The following SORCS3 variants were observed in gnomAD, a reference collection of about 807,000 sequenced individuals.
SORCS3 encodes sortilin related VPS10 domain containing receptor 3, also known as VPS10 domain-containing receptor SorCS3.
Under a neutral mutation model 146.3 loss-of-function variants are expected in SORCS3, and 57 were observed. That is an observed-to-expected ratio of 0.39 (90% CI 0.31 to 0.49). SORCS3 has a LOEUF of 0.49. Ranked by LOEUF, SORCS3 falls within the 20% of genes least tolerant of loss-of-function variation. The pLI is 0.92. For missense variants in SORCS3, 1,341 were observed against 1,575.5 expected, an observed-to-expected ratio of 0.85 and a Z score of 2.52; for synonymous variants, 653 against 618.5, an observed-to-expected ratio of 1.06 and a Z score of -0.83.
At chr10:104,723,522 C>T (rs1385457154) in intron 1 of SORCS3, among the ~76,000 whole-genome samples, 3 of 152,088 alleles carry the variant, frequency 2.0e-5, no homozygotes, top group Non-Finnish European at 4.4e-5. Flanking sequence ...GAGTTCAATT[C>T]CTGGATATCC....
intron 1 of SORCS3, among the ~76,000 whole-genome samples, chr10:104,737,965 A>G (rs1460841718): frequency 6.6e-6 from 1 of 151,262 alleles, no homozygotes; most frequent in African/African-American, 2.4e-5. Context: ...AGGTGTAAGG[A>G]AGGGATCCAG....
At chr10:104,839,992 C>T (rs1564695541) in intron 1 of SORCS3, among the ~76,000 whole-genome samples, 1 of 152,116 alleles carries the variant, frequency 6.6e-6, no homozygotes, top group Non-Finnish European at 1.5e-5. Flanking sequence ...ATCTTAGCAT[C>T]AATGTCACCC....
intron 2 of SORCS3, among the ~76,000 whole-genome samples, chr10:104,889,611 G>A (rs1199764587): frequency 6.6e-6 from 1 of 151,944 alleles, no homozygotes; most frequent in Non-Finnish European, 1.5e-5. Context: ...TCTCACAAAA[G>A]GCACAAGAAC....
chr10:104,995,932 A>G (rs1490800560), intron 4 of SORCS3, among the ~76,000 whole-genome samples: 1 of 152,210 alleles, frequency 6.6e-6, no homozygotes, highest in Non-Finnish European at 1.5e-5. Context: ...AATTTTTTAT[A>G]TAGTGCAAGA....
intron 5 of SORCS3, among the ~76,000 whole-genome samples, chr10:105,051,050 G>A (rs548723308): frequency 9.0e-4 from 137 of 152,210 alleles, no homozygotes; most frequent in Middle Eastern, 6.8e-3. Context: ...CCTGAGTGAG[G>A]CTTACTTAAT....
chr10:105,191,437 A>G (rs1013678680), intron 14 of SORCS3, among the ~76,000 whole-genome samples: 1 of 152,244 alleles, frequency 6.6e-6, no homozygotes, highest in African/African-American at 2.4e-5. Flanking sequence ...GTTATATAAT[A>G]TAAAGACTAT....
intron 1 of SORCS3, among the ~76,000 whole-genome samples, chr10:104,655,349 G>A (rs1027040531): frequency 1.3e-5 from 2 of 151,786 alleles, no homozygotes; most frequent in Non-Finnish European, 2.9e-5. Context: ...GGGGCTTGTT[G>A]TACAGATTAT....
At chr10:104,946,165 C>T (rs1477650862) in intron 3 of SORCS3, among the ~76,000 whole-genome samples, 1 of 151,698 alleles carries the variant, frequency 6.6e-6, no homozygotes, top group East Asian at 1.9e-4. Context: ...CAATAAATGA[C>T]AGGTGGTGGT....
At chr10:104,972,642 G>A (rs1049798918) in intron 3 of SORCS3, among the ~76,000 whole-genome samples, 1 of 152,162 alleles carries the variant, frequency 6.6e-6, no homozygotes, top group East Asian at 1.9e-4. Flanking sequence ...GAGAAAGAGA[G>A]AGAGAGAGAG....
At chr10:104,829,264 G>C (rs552367006) in intron 1 of SORCS3, among the ~76,000 whole-genome samples, 1 of 152,184 alleles carries the variant, frequency 6.6e-6, no homozygotes, top group Admixed American at 6.5e-5. Context: ...ATTATAGTCT[G>C]GTGAGTAGCA....
chr10:105,199,440 C>T (rs978381481), intron 14 of SORCS3, among the ~76,000 whole-genome samples: 11 of 151,974 alleles, frequency 7.2e-5, no homozygotes, highest in South Asian at 2.1e-4. Flanking sequence ...TATTCATGTG[C>T]GTTAAACAAT....
chr10:104,721,611 A>G (rs186522776), intron 1 of SORCS3, among the ~76,000 whole-genome samples: 5 of 152,314 alleles, frequency 3.3e-5, no homozygotes, highest in African/African-American at 1.2e-4. Context: ...ACCCATGAGC[A>G]TGGAATGTTC....
At chr10:104,679,775 C>G (rs2015950326) in intron 1 of SORCS3, among the ~76,000 whole-genome samples, 4 of 152,242 alleles carry the variant, frequency 2.6e-5, no homozygotes, top group South Asian at 4.2e-4. Context: ...TTTCAGAGAG[C>G]CTTCTGTTGA....
chr10:104,755,012 A>G (rs1398216237), intron 1 of SORCS3, among the ~76,000 whole-genome samples: 1 of 152,220 alleles, frequency 6.6e-6, no homozygotes, highest in Non-Finnish European at 1.5e-5. Flanking sequence ...GTGCAATTGA[A>G]ATAACCCAGC....
At chr10:104,828,521 A>C in intron 1 of SORCS3, among the ~76,000 whole-genome samples, 1 of 152,188 alleles carries the variant, frequency 6.6e-6, no homozygotes, top group East Asian at 1.9e-4. Flanking sequence ...TCATCATAAC[A>C]GATATAATAA....
rs562319648 is a variant in SORCS3, at chr10:105,216,942, C to G, written c.2554C>G (p.Leu852Val). 1 of 1,614,160 alleles carries G rather than the reference C, an allele frequency of 6.2e-7. No individual in the cohort carries two copies. Among genetic ancestry groups the G allele is most frequent in the African/African-American group, 1.3e-5 (1 of 75,042 alleles). ...CTGCTATGCCATCTTGCAGGGTGAT[C>G]TACAAAGGACAAACATCCAGCTTGA... is the stretch of plus-strand genomic sequence containing the variant. ...TFIILMEEGD[L>V]QRTNIQLDFG... is the part of the protein sequence containing the mutation. The change falls in exon 19 of 27, where the codon CTA becomes GTA. Residue 852 changes from leucine (L) to valine (V), a missense_variant. Physicochemically the swap from Leu to Val is conservative, Grantham distance 32. Coordinates refer to ENST00000369701, the MANE Select transcript of SORCS3 (RefSeq NM_014978.3).
At chr10:104,759,273 G>T (rs965011058) in intron 1 of SORCS3, among the ~76,000 whole-genome samples, 8 of 152,188 alleles carry the variant, frequency 5.3e-5, no homozygotes, top group Non-Finnish European at 1.2e-4. Context: ...AAGCAACTCT[G>T]TCCACACCTT....
At chr10:105,169,355 A>G (rs2056341306) in intron 13 of SORCS3, among the ~76,000 whole-genome samples, 1 of 152,080 alleles carries the variant, frequency 6.6e-6, no homozygotes, top group South Asian at 2.1e-4. Context: ...AGTGAAAGCA[A>G]TGTCTGCTAA....
intron 17 of SORCS3, among the ~76,000 whole-genome samples, chr10:105,212,325 G>T (rs1004718939): frequency 2.0e-5 from 3 of 152,124 alleles, no homozygotes; most frequent in Non-Finnish European, 2.9e-5. Flanking sequence ...CTAGTTTAGG[G>T]ACTTAAGGCA....
Sources: gnomAD v4.1 joint callset for allele counts (sites outside exome capture counted in the v4.1 genomes callset) on GRCh38, gnomAD v4.1.1 for gene constraint, MANE v1.5 for transcripts, NCBI Gene and HGNC (gene_info 2026-07-23, HGNC 2026-07-21) for gene names.